Variants in PCDH15 observed in about 807,000 individuals in gnomAD.
PCDH15 encodes the protein protocadherin-15.
Under a neutral mutation model 178.5 loss-of-function variants are expected in PCDH15, and 129 were observed. That is an observed-to-expected ratio of 0.72 (90% CI 0.63 to 0.84). The LOEUF is 0.84. Ranked by LOEUF, PCDH15 falls within the 40% of genes least tolerant of loss-of-function variation. The pLI is 0.00. For missense variants in PCDH15, 2,230 were observed against 2,099.9 expected (o/e 1.06, Z -1.21); for synonymous variants, 800 against 732.0 (o/e 1.09, Z -1.50).
chr10:55,062,119 T>C (rs1460219408), intron 2 of PCDH15, among the ~76,000 whole-genome samples: 1 of 152,222 alleles, frequency 6.6e-6, no homozygotes, highest in African/African-American at 2.4e-5. Flanking sequence ...AACATTCAAA[T>C]ATTAAATCCT....
chr10:54,587,774 A>G (rs923958777), intron 2 of PCDH15, among the ~76,000 whole-genome samples: 1 of 152,168 alleles, frequency 6.6e-6, no homozygotes, highest in Non-Finnish European at 1.5e-5. Context: ...TGTAATTAAG[A>G]GGGAATTGGC....
rs151171869 is a variant in PCDH15 at position 55,084,386 on chromosome 10, C to A, written c.-80+82190G>T. 9.0e-4 allele frequency among the ~76,000 whole-genome samples: 136 copies of A among 151,154 alleles called. 1 individual carries two copies. Among genetic ancestry groups the A allele is most frequent in the Non-Finnish European group, 1.8e-3 (122 of 67,726 alleles). On this transcript the variant is annotated intron_variant, in intron 2 of 5. Transcript: ENST00000458638. ...ATTATTCATATACAGAAGAATGAAA[C>A]TAGACCCCTATCTCTTGCCATATAT...
chr10:55,439,471 G>A (rs1839128357), intron 2 of PCDH15, among the ~76,000 whole-genome samples: 1 of 151,894 alleles, frequency 6.6e-6, no homozygotes, highest in Admixed American at 6.6e-5. Flanking sequence ...CAGAAAATAT[G>A]AGTAGAAAAA....
intron 1 of PCDH15, among the ~76,000 whole-genome samples, chr10:55,202,632 A>G (rs910690354): frequency 2.0e-5 from 3 of 152,088 alleles, no homozygotes; most frequent in African/African-American, 7.3e-5. Context: ...TTTCTTGTCC[A>G]TGTCACTCTA....
intron 2 of PCDH15, among the ~76,000 whole-genome samples, chr10:54,937,221 A>G (rs562207699): frequency 1.3e-4 from 19 of 151,794 alleles, no homozygotes; most frequent in Non-Finnish European, 1.5e-4. Context: ...GTTTTGTAGT[A>G]AGTTATACAA....
At chr10:55,027,185 A>AGGGAG (rs1402641082) in intron 2 of PCDH15, among the ~76,000 whole-genome samples, 4 of 151,922 alleles carry the variant, frequency 2.6e-5, no homozygotes, top group Non-Finnish European at 5.9e-5. Context: ...AAAAACTACG[A>AGGGAG]GGGAGTTTTG....
At chr10:54,338,215 C>A (rs1481665896) in intron 6 of PCDH15, among the ~76,000 whole-genome samples, 1 of 152,166 alleles carries the variant, frequency 6.6e-6, no homozygotes, top group Non-Finnish European at 1.5e-5. Flanking sequence ...AAGGCCTTTA[C>A]ACCAGTCTTA....
intron 2 of PCDH15, among the ~76,000 whole-genome samples, chr10:54,544,853 T>C (rs941224858): frequency 6.6e-6 from 1 of 152,202 alleles, no homozygotes. Flanking sequence ...CTCAAATTAA[T>C]TTACTTGAGT....
chr10:54,828,779 T>C, intron 3 of PCDH15, among the ~76,000 whole-genome samples: 1 of 151,952 alleles, frequency 6.6e-6, no homozygotes, highest in East Asian at 1.9e-4. Flanking sequence ...AAATAAACAG[T>C]CACATAATAT....
At chr10:55,202,604 T>G (rs1840282944) in intron 1 of PCDH15, among the ~76,000 whole-genome samples, 1 of 152,090 alleles carries the variant, frequency 6.6e-6, no homozygotes. Context: ...AAATGGACAC[T>G]CTCCTTGTTT....
chr10:53,898,294 T>C (rs952593562), intron 26 of PCDH15, among the ~76,000 whole-genome samples: 4 of 152,138 alleles, frequency 2.6e-5, no homozygotes, highest in African/African-American at 9.7e-5. Context: ...AATTTTTAGT[T>C]GTTGTAAATA....
intron 2 of PCDH15, among the ~76,000 whole-genome samples, chr10:55,606,656 C>T (rs1455035862): frequency 6.8e-6 from 1 of 148,132 alleles, no homozygotes; most frequent in Non-Finnish European, 1.5e-5. Flanking sequence ...AAAGGATTCC[C>T]TATTTAATAA....
At position 54,519,430 on chromosome 10, in the gene PCDH15, A is replaced by G. The variant is rs891031382; in HGVS notation, c.157+8382T>C. On this transcript the variant is annotated intron_variant, in intron 3 of 37. Coordinates refer to ENST00000644397, the MANE Select transcript of PCDH15 (RefSeq NM_001384140.1). ...TTATACACCAATAACAGACAAACAG[A>G]GAGCCAAATCATGAGTGAACTCCCA... Among the ~76,000 whole-genome samples the G allele has an allele frequency of 1.4e-3, 219 of 152,212 alleles. 2 individuals carry two copies. Among genetic ancestry groups the G allele is most frequent in the Middle Eastern group, 3.4e-3 (1 of 294 alleles).
intron 2 of PCDH15, among the ~76,000 whole-genome samples, chr10:54,563,948 C>T (rs1405962436): frequency 2.6e-5 from 4 of 152,056 alleles, no homozygotes; most frequent in Non-Finnish European, 5.9e-5. Context: ...AATAATAGTG[C>T]ATAAAAGCAA....
At chr10:54,994,573 T>C (rs1363285998) in intron 2 of PCDH15, among the ~76,000 whole-genome samples, 1 of 152,176 alleles carries the variant, frequency 6.6e-6, no homozygotes, top group Non-Finnish European at 1.5e-5. Context: ...AAGTTTACAT[T>C]ATAAAATTTA....
chr10:54,839,858 A>G (rs1477058942), intron 3 of PCDH15, among the ~76,000 whole-genome samples: 2 of 152,026 alleles, frequency 1.3e-5, no homozygotes, highest in Non-Finnish European at 2.9e-5. Flanking sequence ...GTGGAATTAC[A>G]TATTCAAAGT....
At chr10:54,600,116 T>C in intron 2 of PCDH15, 1 of 883,684 alleles carries the variant, frequency 1.1e-6, no homozygotes, top group South Asian at 1.4e-5. Context: ...GAGAAACCAA[T>C]GGATGTGCCA....
chr10:54,923,022 T>TGTTATTTTTTTTTACCTTTTAAA (rs1564632809), intron 2 of PCDH15, among the ~76,000 whole-genome samples: 9 of 140,826 alleles, frequency 6.4e-5, no homozygotes, highest in Non-Finnish European at 8.3e-5. Context: ...GACTTCTGCC[T>TGTTATTTTTTTTTACCTTTTAAA]AGACACTCAA....
At chr10:54,219,864 A>C (rs2052591342) in intron 9 of PCDH15, among the ~76,000 whole-genome samples, 1 of 152,010 alleles carries the variant, frequency 6.6e-6, no homozygotes, top group South Asian at 2.1e-4. Flanking sequence ...ATAAGCATAA[A>C]TTCAAATATT....
Sources: gnomAD v4.1 joint callset for allele counts (sites outside exome capture counted in the v4.1 genomes callset) on GRCh38, gnomAD v4.1.1 for gene constraint, MANE v1.5 for transcripts, NCBI Gene and HGNC (gene_info 2026-07-23, HGNC 2026-07-21) for gene names.